The following TTN variants were observed in gnomAD, a reference collection of about 807,000 sequenced individuals.
The protein encoded by TTN is titin, also known as connectin.
A neutral mutation model predicts 3,223.0 loss-of-function variants in TTN; 1,525 were observed. The observed-to-expected ratio is 0.47, with a 90% CI of 0.45 to 0.49. The LOEUF is 0.49. Among genes scored for constraint, TTN ranks in the 20% least tolerant of loss-of-function variants. The pLI is 0.00. For synonymous variants in TTN, 14,094 were observed against 15,161.0 expected (o/e 0.93, Z 5.17); for missense variants, 40,786 against 43,424.0 (o/e 0.94, Z 5.40).
rs759559839 is a variant in TTN at position 178,562,338 on chromosome 2, A to G, written c.83794T>C (p.Tyr27932His). ...TTAACTGCAGCTACCCTGAAGACATACTCTTCTCCTGCAGTTAAGCCAGAT... is the reference window on the plus strand; with the variant it reads ...TTAACTGCAGCTACCCTGAAGACATGCTCTTCTCCTGCAGTTAAGCCAGAT... ...TISGLTAGEE[Y>H]VFRVAAVNEK... is the part of the protein sequence containing the mutation. The change falls in exon 326 of 363, where the codon TAT becomes CAT. Residue 27932 changes from tyrosine to histidine, a missense_variant. By Grantham distance (83) the Tyr-to-His change is moderately conservative. Coordinates refer to ENST00000589042, the MANE Select transcript of TTN (RefSeq NM_001267550.2). 8.1e-6 allele frequency: 13 copies of G among 1,611,206 alleles called. 1 individual carries two copies. In the South Asian group the frequency reaches 1.4e-4, roughly 18 times the overall value.
chr2:178,710,141 A>C (rs1009456527), intron 98 of TTN, among the ~76,000 whole-genome samples: 2 of 152,112 alleles, frequency 1.3e-5, no homozygotes, highest in Non-Finnish European at 2.9e-5. Flanking sequence ...GGAATATATA[A>C]AGTTTTAGAA....
chr2:178,790,651 G>A (rs1396479221), intron 11 of TTN, 57 bp downstream of exon 11: 32 of 1,612,638 alleles, frequency 2.0e-5, no homozygotes, highest in South Asian at 3.3e-5. Context: ...GAAAATGTAG[G>A]TGATTTGCAA....
intron 221 of TTN, 79 bp from the exon 222 acceptor site, chr2:178,640,189 C>T (rs2061045899): frequency 2.3e-6 from 3 of 1,303,576 alleles, no homozygotes; most frequent in Admixed American, 4.2e-5. Context: ...AAATTAAGCC[C>T]ACGTATCTTG....
Position 178,536,576 on chromosome 2 carries a change from C to A in TTN, c.100172-1G>T. 1 of 1,486,402 alleles carries A rather than the reference C, an allele frequency of 6.7e-7. No homozygotes were observed. Among genetic ancestry groups the A allele is most frequent in the Non-Finnish European group, 8.9e-7 (1 of 1,124,876 alleles). The allele number at this position is 1,486,402 out of a possible 1,614,324, so 92.1% of individuals were successfully genotyped here. The stretch of plus-strand genomic sequence containing the variant: ...GGTTTGCCAGGAGCACCTGGCTTTT[C>A]TATTAAACAAAAAAAAGATTTGAGT... On this transcript the variant is annotated splice_acceptor_variant, in intron 356 of 362. Coordinates refer to ENST00000589042, the MANE Select transcript of TTN (RefSeq NM_001267550.2). LOFTEE classifies it high-confidence loss of function.
At chr2:178,671,250 G>A (rs1649541483) in intron 155 of TTN, 80 bp from the exon 156 acceptor site, 5 of 948,724 alleles carry the variant, frequency 5.3e-6, no homozygotes, top group Non-Finnish European at 7.5e-6. Context: ...AGTACAATGA[G>A]GGGTCACAAA....
intron 47 of TTN, chr2:178,747,235 TG>T: frequency 6.2e-7 from 1 of 1,612,846 alleles, no homozygotes; most frequent in Non-Finnish European, 8.5e-7. Flanking sequence ...GTGTCTCCCC[TG>T]GGGGTGTGGA....
In TTN at chr2:178,715,752, C is replaced by A. The variant is rs568546539; in HGVS notation, c.25662G>T (p.Lys8554Asn). The change falls in exon 89 of 363, where the codon AAG becomes AAT. Residue 8554 changes from lysine (K) to asparagine (N), a missense_variant. By Grantham distance (94) the Lys-to-Asn change is moderately conservative. Coordinates refer to ENST00000589042, the MANE Select transcript of TTN (RefSeq NM_001267550.2). ...GTTTCACAATTCTTGAAGGTTCTAG[C>A]TTCTTAATGAACCTGGGTGGTTCTA... Reference protein sequence around the residue: ...GVQEPPRFIKKLEPSRIVKQD... With the variant: ...GVQEPPRFIKNLEPSRIVKQD... 1.3e-5 allele frequency: 20 copies of A among 1,585,928 alleles called. No individual in the cohort carries two copies. In the South Asian group the frequency reaches 2.3e-4, roughly 18 times the overall value.
In TTN at chr2:178,532,060, C is replaced by T. The variant is rs1427358766; in HGVS notation, c.104555G>A (p.Arg34852Lys). ...SLSPTYIELM[R>K]PVSELIRSRP... ...TGACCGGATCAGCTCAGACACTGGC[C>T]TCATTAACTCAATATAAGTTGGAGA... Residue 34852 changes from arginine to lysine, a missense_variant, in exon 358 of 363, where the codon AGG (arginine) becomes AAG (lysine). Coordinates refer to ENST00000589042, the MANE Select transcript of TTN (RefSeq NM_001267550.2). 1 of 1,613,882 alleles carries T rather than the reference C, an allele frequency of 6.2e-7. No individual in the cohort carries two copies. Among genetic ancestry groups the T allele is most frequent in the Non-Finnish European group, 8.5e-7 (1 of 1,179,856 alleles).
chr2:178,570,502 T>C lies in TTN; in HGVS notation c.75630A>G (p.Gly25210=). 6.2e-7 allele frequency: 1 copy of C among 1,613,286 alleles called. No homozygotes were observed. Among genetic ancestry groups the C allele is most frequent in the South Asian group, 1.1e-5 (1 of 91,076 alleles). ...CTGTAACTCCTGAGATAACAACAGG[T>C]CCTTCAGGTGGCCCTGGTCTGTCAA... ...KVLDRPGPPE[G]PVVISGVTAE... Residue 25210 remains glycine, a synonymous_variant, in exon 326 of 363, where the codon GGA becomes GGG. Coordinates refer to ENST00000589042, the MANE Select transcript of TTN (RefSeq NM_001267550.2).
Position 178,543,123 on chromosome 2 carries a change from C to G in TTN, c.96850G>C (p.Gly32284Arg). The change falls in exon 347 of 363, where the codon GGT (glycine) becomes CGT (arginine). Residue 32284 changes from glycine (G) to arginine (R), a missense_variant. By Grantham distance (125) the Gly-to-Arg change is moderately radical (BLOSUM62 -2). Transcript: ENST00000589042. ...ACAGTCTCTCTTGGTTCTGACACACCTTTCTCATTTTGTGCCCTTATTCTA... is the reference window on the plus strand; with the variant it reads ...ACAGTCTCTCTTGGTTCTGACACACGTTTCTCATTTTGTGCCCTTATTCTA... ...LFRIRAQNEKGVSEPRETVTA... is the reference protein window; with the variant it reads ...LFRIRAQNEKRVSEPRETVTA... The G allele has an allele frequency of 7.5e-6, 12 of 1,610,692 alleles. No individual in the cohort carries two copies. The highest frequency in any genetic ancestry group is 1.0e-5 in the Non-Finnish European group (12 of 1,177,518).
At chr2:178,555,260 C>T in intron 330 of TTN, 108 bp from the exon 331 acceptor site, 1 of 990,956 alleles carries the variant, frequency 1.0e-6, no homozygotes, top group South Asian at 1.6e-5. Context: ...ATTATACACA[C>T]ACACCATCAT....
Position 178,770,145 on chromosome 2 carries a change from C to T in TTN, c.8556G>A (p.Met2852Ile), listed in dbSNP as rs1464875201. Reference protein sequence around the residue: ...LVSERKVHKLMLQNISPSDAG... With the variant: ...LVSERKVHKLILQNISPSDAG... ...CATCTGAGGGGGAGATGTTCTGCAG[C>T]ATCAGCTTGTGGACTTTCCTTTCTG... is the stretch of plus-strand genomic sequence containing the variant. Residue 2852 changes from methionine (M) to isoleucine (I), a missense_variant, in exon 36 of 363, where the codon ATG (methionine) becomes ATA (isoleucine). Coordinates refer to ENST00000589042, the MANE Select transcript of TTN (RefSeq NM_001267550.2). The T allele has an allele frequency of 1.2e-6, 2 of 1,614,032 alleles. No homozygotes were observed. Among genetic ancestry groups the T allele is most frequent in the South Asian group, 2.2e-5 (2 of 91,080 alleles).
chr2:178,805,164 G>A (rs2094256163), intron 1 of TTN, among the ~76,000 whole-genome samples: 1 of 151,600 alleles, frequency 6.6e-6, no homozygotes, highest in South Asian at 2.1e-4. Flanking sequence ...CTAACATGGT[G>A]AAACCCCTGT....
chr2:178,561,652 A>G lies in TTN; in HGVS notation c.84480T>C (p.Thr28160=), dbSNP rs760231522. 1 of 1,608,236 alleles carries G rather than the reference A, an allele frequency of 6.2e-7. No homozygotes were observed. Among genetic ancestry groups the G allele is most frequent in the Non-Finnish European group, 8.5e-7 (1 of 1,176,638 alleles). ...ATTTTGTGGCATGCACAACTTTAGG[A>G]GTACCAGGAGGACCTGGGGGACTGA... ...YPFSPPGPPG[T]PKVVHATKST... The change falls in exon 326 of 363, where the codon ACT becomes ACC. Residue 28160 remains threonine, a synonymous_variant. Transcript: ENST00000589042.
intron 341 of TTN, 23 bp from the exon 342 acceptor site, chr2:178,546,525 T>G: frequency 6.2e-7 from 1 of 1,602,402 alleles, no homozygotes. Context: ...AAAACAGATA[T>G]GAATGAATAT....
chr2:178,571,438 C>G lies in TTN; in HGVS notation c.74694G>C (p.Glu24898Asp). ...TGAATGGATATTGGGCTACAGTAGG[C>G]TCTGAATTGAGGTAGGTACTCTTCC... is the stretch of plus-strand genomic sequence containing the variant. ...RYGKSTYLNS[E>D]PTVAQYPFKV... The change falls in exon 326 of 363, where the codon GAG (glutamate) becomes GAC (aspartate). Residue 24898 changes from glutamate (E) to aspartate (D), a missense_variant. Physicochemically the swap from Glu to Asp is conservative, Grantham distance 45. Coordinates refer to ENST00000589042, the MANE Select transcript of TTN (RefSeq NM_001267550.2). 6.2e-7 allele frequency: 1 copy of G among 1,613,408 alleles called. No individual in the cohort carries two copies. Among genetic ancestry groups the G allele is most frequent in the Non-Finnish European group, 8.5e-7 (1 of 1,179,572 alleles).
intron 4 of TTN, 83 bp from the exon 5 acceptor site, chr2:178,799,993 T>A: frequency 6.8e-7 from 1 of 1,462,622 alleles, no homozygotes; most frequent in Admixed American, 1.8e-5. Context: ...GACTACAAAG[T>A]CAAAAAGATT....
rs142630201 is a variant in TTN, at chr2:178,538,408, T to C, written c.99289+132A>G. 323 of 818,696 alleles carry C rather than the reference T, an allele frequency of 3.9e-4. 1 individual carries two copies. In the African/African-American group the frequency reaches 4.7e-3, roughly 12 times the overall value. 50.7% of individuals were successfully genotyped at this position (818,696 alleles called of 1,614,324 possible). On this transcript the variant is annotated intron_variant, in intron 354 of 362. Transcript: ENST00000589042. ...TGTAGAACTTGTCATATTTCCTGTG[T>C]GTGTACTTGCTTTTCTTTCTTAACA... is the stretch of plus-strand genomic sequence containing the variant.
Position 178,720,626 on chromosome 2 carries a change from T to A in TTN, c.23136A>T (p.Gly7712=), listed in dbSNP as rs749602647. ...GAATCACATCAGAACCTTTAAGAGCTCCTACTGGAGAAGGCTTCTGGGTGA... is the reference window on the plus strand; with the variant it reads ...GAATCACATCAGAACCTTTAAGAGCACCTACTGGAGAAGGCTTCTGGGTGA... The part of the protein sequence containing the change: ...PVFTQKPSPV[G]ALKGSDVILQ... Residue 7712 remains glycine, a synonymous_variant, in exon 80 of 363, where the codon GGA becomes GGT. Transcript: ENST00000589042. 6.2e-7 allele frequency: 1 copy of A among 1,607,264 alleles called. No individual in the cohort carries two copies. Among genetic ancestry groups the A allele is most frequent in the East Asian group, 2.2e-5 (1 of 44,768 alleles).
Sources: allele counts gnomAD v4.1 joint callset (sites outside exome capture counted in the v4.1 genomes callset), GRCh38; gene constraint gnomAD v4.1.1; transcripts MANE v1.5; gene names NCBI Gene and HGNC (gene_info 2026-07-23, HGNC 2026-07-21).